The following RMDN2 variants were observed in gnomAD, a reference collection of about 807,000 sequenced individuals.
The protein encoded by RMDN2 is regulator of microtubule dynamics 2.
RMDN2 carries 61 observed loss-of-function variants against 52.8 expected under a neutral mutation model. That is an observed-to-expected ratio of 1.16 (90% confidence interval 0.94 to 1.43). The LOEUF (loss-of-function observed/expected upper bound fraction) is 1.43. Among genes scored for constraint, RMDN2 ranks in the 40% most tolerant of loss-of-function variants. The pLI is 0.00. For synonymous variants in RMDN2, 180 were observed against 153.1 expected, an observed-to-expected ratio of 1.18 and a Z score of -1.30; for missense variants, 592 against 475.3, an observed-to-expected ratio of 1.25 and a Z score of -2.28.
At chr2:37,973,524 G>A (rs1672067153) in intron 2 of RMDN2, among the ~76,000 whole-genome samples, 1 of 152,134 alleles carries the variant, frequency 6.6e-6, no homozygotes, top group Non-Finnish European at 1.5e-5. Flanking sequence ...TAGTAGATTA[G>A]TAAATTATAC....
chr2:37,971,175 A>G (rs1260490147), intron 2 of RMDN2, among the ~76,000 whole-genome samples: 2 of 152,156 alleles, frequency 1.3e-5, no homozygotes, highest in Non-Finnish European at 2.9e-5. Flanking sequence ...TATGAGAAAG[A>G]AAACATATAC....
At chr2:37,989,393 A>G (rs532625191) in intron 5 of RMDN2, 148 bp from the exon 6 acceptor site, 1 of 595,970 alleles carries the variant, frequency 1.7e-6, no homozygotes, top group South Asian at 2.3e-5. Context: ...TCAAGTATTT[A>G]TTATTGTTAG....
chr2:37,930,581 C>T (rs983792680), intron 2 of RMDN2, among the ~76,000 whole-genome samples: 1 of 152,132 alleles, frequency 6.6e-6, no homozygotes, highest in Admixed American at 6.5e-5. Flanking sequence ...AGAGACAGCA[C>T]GAGGGACATG....
chr2:37,956,645 T>C (rs867284872), intron 2 of RMDN2, among the ~76,000 whole-genome samples: 2 of 149,490 alleles, frequency 1.3e-5, no homozygotes, highest in African/African-American at 5.1e-5. Context: ...ATTACCTTCT[T>C]TTTTTTTCTT....
downstream of RMDN2, among the ~76,000 whole-genome samples, chr2:38,021,118 C>T (rs958821568): frequency 6.6e-6 from 1 of 152,216 alleles, no homozygotes; most frequent in Non-Finnish European, 1.5e-5. Flanking sequence ...CACCAATCAA[C>T]ACTCTGTAGC....
intron 5 of RMDN2, among the ~76,000 whole-genome samples, chr2:37,985,328 G>T (rs1427312421): frequency 6.6e-6 from 1 of 152,096 alleles, no homozygotes; most frequent in Non-Finnish European, 1.5e-5. Flanking sequence ...AAGTGTGTAC[G>T]CTGAAAGAGA....
At chr2:37,936,643 G>C (rs141317760) in intron 2 of RMDN2, among the ~76,000 whole-genome samples, 211 of 152,330 alleles carry the variant, frequency 1.4e-3, no homozygotes, top group South Asian at 3.7e-3. Context: ...CCAATGAACA[G>C]TGATGATGAG....
intron 10 of RMDN2, among the ~76,000 whole-genome samples, chr2:38,043,660 G>A (rs930649513): frequency 6.6e-6 from 1 of 151,778 alleles, no homozygotes; most frequent in Non-Finnish European, 1.5e-5. Context: ...ATTCTTTCAA[G>A]AAACATTTTT....
intron 2 of RMDN2, chr2:37,952,025 T>C (rs151175044): frequency 4.3e-4 from 700 of 1,613,406 alleles, no homozygotes; most frequent in Non-Finnish European, 5.5e-4. Context: ...AGCATCCCTC[T>C]CAAAGTGGAA....
chr2:37,938,515 G>A (rs1667507006), intron 2 of RMDN2, among the ~76,000 whole-genome samples: 1 of 152,156 alleles, frequency 6.6e-6, no homozygotes, highest in African/African-American at 2.4e-5. Flanking sequence ...CTGTGAATCT[G>A]TGTGGAGCTG....
At chr2:38,060,404 C>T (rs1682001363) in intron 10 of RMDN2, among the ~76,000 whole-genome samples, 2 of 152,176 alleles carry the variant, frequency 1.3e-5, no homozygotes, top group Non-Finnish European at 2.9e-5. Context: ...CCTTATTCTT[C>T]CACCGCTTTG....
intron 4 of RMDN2, among the ~76,000 whole-genome samples, chr2:37,977,688 G>T (rs1232459378): frequency 6.6e-6 from 1 of 151,798 alleles, no homozygotes; most frequent in African/African-American, 2.4e-5. Context: ...AGACGGGGTC[G>T]CGGCCGGGTA....
intron 2 of RMDN2, among the ~76,000 whole-genome samples, chr2:37,936,869 T>G (rs537435261): frequency 6.6e-6 from 1 of 152,232 alleles, no homozygotes; most frequent in Non-Finnish European, 1.5e-5. Flanking sequence ...TGATACTTTC[T>G]TTTGCTGTGC....
chr2:38,053,096 A>T (rs954908135), intron 10 of RMDN2, among the ~76,000 whole-genome samples: 3 of 152,190 alleles, frequency 2.0e-5, no homozygotes, highest in African/African-American at 4.8e-5. Flanking sequence ...ATATTTTTTT[A>T]AAATGTACCC....
At chr2:37,948,059 G>A (rs78924293) in intron 2 of RMDN2, among the ~76,000 whole-genome samples, 28,865 of 152,080 alleles carry the variant, frequency 0.19, 3,913 homozygotes, top group East Asian at 0.71. Context: ...TCTGGGGGTC[G>A]TCATGACCCG....
Position 38,004,174 on chromosome 2 carries a change from G to A in RMDN2, c.1137G>A (p.Lys379=), listed in dbSNP as rs1676741276. The part of the protein sequence containing the change: ...TDLEENQNAL[K]FCNLALLLPT... ...TTGAGGAAAACCAGAATGCTTTGAA[G>A]TTCTGTAATTTGGCTTTATTGCTTC... The change falls in exon 10 of 11, where the codon AAG becomes AAA. Residue 379 remains lysine, a synonymous_variant. Coordinates refer to ENST00000354545, the MANE Select transcript of RMDN2 (RefSeq NM_001170791.3). 6.2e-7 allele frequency: 1 copy of A among 1,613,796 alleles called. No homozygotes were observed. The highest frequency in any genetic ancestry group is 1.7e-4 in the Middle Eastern group (1 of 6,056).
intron 10 of RMDN2, among the ~76,000 whole-genome samples, chr2:38,040,406 G>C (rs1680882956): frequency 6.6e-6 from 1 of 152,082 alleles, no homozygotes; most frequent in Admixed American, 6.6e-5. Context: ...GGGTTCTACT[G>C]TCATGAATAG....
intron 10 of RMDN2, among the ~76,000 whole-genome samples, chr2:38,040,043 T>TTTATTATTATTATTA (rs1278981951): frequency 1.2e-5 from 1 of 85,278 alleles, no homozygotes; most frequent in Non-Finnish European, 2.4e-5. Context: ...TGTGTCTAGA[T>TTTATTATTATTATTA]TCATTATTAT....
chr2:38,062,271 A>C (rs777490791), intron 10 of RMDN2, among the ~76,000 whole-genome samples: 1 of 152,156 alleles, frequency 6.6e-6, no homozygotes, highest in Non-Finnish European at 1.5e-5. Flanking sequence ...TCTACTCTTC[A>C]TCATGACACT....
Sources: gnomAD v4.1 joint callset for allele counts (sites outside exome capture counted in the v4.1 genomes callset) on GRCh38, gnomAD v4.1.1 for gene constraint, MANE v1.5 for transcripts, NCBI Gene and HGNC (gene_info 2026-07-23, HGNC 2026-07-21) for gene names.